Variants in DGKG observed in about 807,000 individuals in gnomAD.
The protein encoded by DGKG is DAG kinase gamma.
Under a neutral mutation model 105.3 loss-of-function variants are expected in DGKG, and 78 were observed. The observed-to-expected ratio is 0.74, with a 90% confidence interval of 0.62 to 0.89. The LOEUF is 0.89. Among genes scored for constraint, DGKG ranks in the 40% least tolerant of loss-of-function variants. DGKG has a pLI of 0.00. For missense variants in DGKG, 958 were observed against 1,020.1 expected (o/e 0.94, Z 0.83); for synonymous variants, 346 against 367.1 (o/e 0.94, Z 0.66).
At chr3:186,349,168 C>T (rs1726505596) in intron 1 of DGKG, among the ~76,000 whole-genome samples, 1 of 152,018 alleles carries the variant, frequency 6.6e-6, no homozygotes, top group African/African-American at 2.4e-5. Flanking sequence ...ACCTTCTGGG[C>T]TTAAGCAATC....
At chr3:186,276,676 C>G (rs1722603303) in intron 9 of DGKG, among the ~76,000 whole-genome samples, 1 of 152,188 alleles carries the variant, frequency 6.6e-6, no homozygotes, top group Admixed American at 6.5e-5. Flanking sequence ...ACCCACATCT[C>G]CCACATCCCA....
chr3:186,171,223 A>G (rs1429838777), intron 22 of DGKG, among the ~76,000 whole-genome samples: 1 of 152,196 alleles, frequency 6.6e-6, no homozygotes, highest in Non-Finnish European at 1.5e-5. Context: ...TTATCTTTGT[A>G]TCTCTAGCAA....
chr3:186,273,719 C>T (rs189265411), intron 10 of DGKG, among the ~76,000 whole-genome samples: 5 of 152,186 alleles, frequency 3.3e-5, no homozygotes, highest in Admixed American at 2.6e-4. Context: ...TTGTGGACAG[C>T]GGGCCCAGCT....
chr3:186,222,081 G>A (rs1719611381), intron 20 of DGKG, among the ~76,000 whole-genome samples: 1 of 152,220 alleles, frequency 6.6e-6, no homozygotes, highest in Admixed American at 6.5e-5. Flanking sequence ...TTGTTCCTTG[G>A]CAAACCTACA....
At chr3:186,218,320 T>C (rs1013794429) in intron 20 of DGKG, among the ~76,000 whole-genome samples, 32 of 151,616 alleles carry the variant, frequency 2.1e-4, no homozygotes, top group African/African-American at 7.3e-4. Flanking sequence ...CTGGCTAACA[T>C]GGTGAAACCC....
chr3:186,332,071 C>A (rs969609398), intron 1 of DGKG, among the ~76,000 whole-genome samples: 6 of 152,066 alleles, frequency 3.9e-5, no homozygotes, highest in African/African-American at 1.2e-4. Context: ...AAGTGTTGAG[C>A]CTGTGCAGGT....
chr3:186,283,143 G>A (rs371681990), intron 7 of DGKG, among the ~76,000 whole-genome samples: 17 of 152,064 alleles, frequency 1.1e-4, no homozygotes, highest in South Asian at 2.1e-4. Flanking sequence ...TCCTGACCTC[G>A]TGATCTGCCC....
In DGKG at chr3:186,361,525, T is replaced by C. The variant is rs1339609071; in HGVS notation, c.-249+421A>G. ...AACCCCGCGGGACGGTCGGAGGCTT[T>C]GGCGGCCAGACATTAGGAAAAGCAT... is the stretch of plus-strand genomic sequence containing the variant. On this transcript the variant is annotated intron_variant, in intron 1 of 24. Transcript: ENST00000265022. This position sits in a 1 kb window ranked among gnomAD's most constrained non-coding sequence, Gnocchi z 6.8. Among the ~76,000 whole-genome samples the C allele has an allele frequency of 1.3e-5, 2 of 152,192 alleles. No individual in the cohort carries two copies. The highest frequency in any genetic ancestry group is 2.9e-5 in the Non-Finnish European group (2 of 68,034).
At chr3:186,340,313 G>A (rs75128373) in intron 1 of DGKG, among the ~76,000 whole-genome samples, 2,704 of 152,240 alleles carry the variant, frequency 0.018, 33 homozygotes, top group Non-Finnish European at 0.025. Flanking sequence ...TGCTTGCAGG[G>A]GTTAGGAGTG....
chr3:186,248,637 T>C (rs772227738), intron 19 of DGKG, among the ~76,000 whole-genome samples: 1 of 152,192 alleles, frequency 6.6e-6, no homozygotes, highest in Non-Finnish European at 1.5e-5. Context: ...ACATTTCTGA[T>C]AAGAGGTGGT....
chr3:186,300,363 A>G (rs912647428), intron 3 of DGKG, among the ~76,000 whole-genome samples: 1 of 152,112 alleles, frequency 6.6e-6, no homozygotes, highest in Non-Finnish European at 1.5e-5. Context: ...TCCCATTCGG[A>G]TTGGATCCTA....
At position 186,147,781 on chromosome 3, in the gene DGKG, G is replaced by GTCT. The variant is rs1715570698; in HGVS notation, c.*2306_*2308dup. 1 of 985,284 alleles carries GTCT rather than the reference G, an allele frequency of 1.0e-6. No homozygotes were observed. Among genetic ancestry groups the GTCT allele is most frequent in the African/African-American group, 1.7e-5 (1 of 57,214 alleles). The allele number at this position is 985,284 out of a possible 1,614,324, so 61.0% of individuals were successfully genotyped here. A position where few individuals can be genotyped will look rare whatever the true frequency, so the allele number is the denominator to read the frequency against. The stretch of plus-strand genomic sequence containing the variant: ...AACACATGCACGAACTTCTGTAAAT[G>GTCT]TCTTAGAATCAGTGACCCCAAACCT... On this transcript the variant is annotated 3_prime_UTR_variant, in exon 25 of 25. Coordinates refer to ENST00000265022, the MANE Select transcript of DGKG (RefSeq NM_001346.3).
intron 1 of DGKG, among the ~76,000 whole-genome samples, chr3:186,329,621 C>T (rs1053101976): frequency 2.6e-5 from 4 of 152,200 alleles, no homozygotes. Context: ...GGAAGAAAGA[C>T]TAAAAGCTAC....
At chr3:186,276,810 C>T (rs1158763200) in intron 9 of DGKG, among the ~76,000 whole-genome samples, 2 of 152,168 alleles carry the variant, frequency 1.3e-5, no homozygotes, top group African/African-American at 4.8e-5. Flanking sequence ...GTAAAAGCTA[C>T]GGTAAGGTGA....
intron 22 of DGKG, among the ~76,000 whole-genome samples, chr3:186,178,236 C>A (rs1221313993): frequency 6.6e-6 from 1 of 152,212 alleles, no homozygotes; most frequent in Non-Finnish European, 1.5e-5. Flanking sequence ...AAGAAAAACA[C>A]TTCTTGCACC....
At chr3:186,199,021 C>T (rs191897575) in intron 21 of DGKG, among the ~76,000 whole-genome samples, 35 of 152,228 alleles carry the variant, frequency 2.3e-4, no homozygotes, top group East Asian at 9.7e-4. Flanking sequence ...GATCTTGGCT[C>T]ACTACAACCT....
At chr3:186,300,957 G>T (rs1367089363) in intron 3 of DGKG, among the ~76,000 whole-genome samples, 4 of 152,186 alleles carry the variant, frequency 2.6e-5, no homozygotes, top group African/African-American at 9.7e-5. Context: ...CAATTAGCTT[G>T]CTCCCTGAAA....
At chr3:186,209,711 C>A (rs938609652) in intron 21 of DGKG, among the ~76,000 whole-genome samples, 5 of 152,094 alleles carry the variant, frequency 3.3e-5, no homozygotes, top group African/African-American at 1.2e-4. Context: ...CATCTCCCTG[C>A]AAGGCTCTGC....
At chr3:186,246,053 G>A (rs1307129193) in intron 19 of DGKG, among the ~76,000 whole-genome samples, 1 of 152,102 alleles carries the variant, frequency 6.6e-6, no homozygotes, top group Non-Finnish European at 1.5e-5. Context: ...CTCACTGCAA[G>A]CTCTGCCTCC....
Sources: allele counts gnomAD v4.1 joint callset (sites outside exome capture counted in the v4.1 genomes callset), GRCh38; gene constraint gnomAD v4.1.1; non-coding constraint Gnocchi (gnomAD v3.1); transcripts MANE v1.5; gene names NCBI Gene and HGNC (gene_info 2026-07-23, HGNC 2026-07-21).